Variants in HMGCLL1 observed in about 807,000 individuals in gnomAD.
The protein encoded by HMGCLL1 is 3-hydroxymethyl-3-methylglutaryl-CoA lyase, cytoplasmic.
Under a neutral mutation model 39.1 loss-of-function variants are expected in HMGCLL1, and 36 were observed. That is an observed-to-expected ratio of 0.92 (90% CI 0.71 to 1.22). HMGCLL1 has a LOEUF of 1.22. Among genes scored for constraint, HMGCLL1 ranks in the 50% most tolerant of loss-of-function variants. HMGCLL1 has a pLI of 0.00. For missense variants in HMGCLL1, 451 were observed against 416.5 expected, an observed-to-expected ratio of 1.08 and a Z score of -0.72; for synonymous variants, 149 against 144.0, an observed-to-expected ratio of 1.03 and a Z score of -0.25.
chr6:55,458,134 A>G (rs1202808804), intron 7 of HMGCLL1, among the ~76,000 whole-genome samples: 1 of 152,110 alleles, frequency 6.6e-6, no homozygotes, highest in Non-Finnish European at 1.5e-5. Flanking sequence ...TTACTGTTAA[A>G]CTCTCATGTT....
chr6:55,619,830 G>A, the HMGCLL1 span, among the ~76,000 whole-genome samples: 1 of 151,912 alleles, frequency 6.6e-6, no homozygotes, highest in Non-Finnish European at 1.5e-5. Flanking sequence ...CATTAACCAT[G>A]CCCACACCGC....
intron 7 of HMGCLL1, chr6:55,439,801 A>C (rs2127380361): frequency 2.8e-6 from 1 of 362,006 alleles, no homozygotes; most frequent in East Asian, 4.2e-5. Context: ...ATCTTTGATC[A>C]AAAGTAAAAT....
At chr6:55,530,887 T>C (rs997383385) in intron 3 of HMGCLL1, among the ~76,000 whole-genome samples, 3 of 152,178 alleles carry the variant, frequency 2.0e-5, no homozygotes, top group African/African-American at 7.2e-5. Context: ...CATAACTCTT[T>C]ATGAACATCA....
intron 1 of HMGCLL1, among the ~76,000 whole-genome samples, chr6:55,577,811 T>C (rs1771833420): frequency 6.6e-6 from 1 of 152,178 alleles, no homozygotes. Flanking sequence ...GAAAATTAAA[T>C]AGACATATTA....
chr6:55,559,433 T>C (rs1770828565), intron 1 of HMGCLL1, among the ~76,000 whole-genome samples: 1 of 152,168 alleles, frequency 6.6e-6, no homozygotes, highest in Non-Finnish European at 1.5e-5. Context: ...AGTGTGACCA[T>C]TGAAGTTATT....
rs536204579 is a variant in HMGCLL1, at chr6:55,434,977, T to A, written c.*685A>T. On this transcript the variant is annotated 3_prime_UTR_variant, in exon 9 of 9. Transcript: ENST00000274901. ...ACACCATGCTGGTTTTTACTATAAC[T>A]GATGACAGGTAAAGTGTGGTAAACT... 5 of 152,572 alleles carry A rather than the reference T, an allele frequency of 3.3e-5. No homozygotes were observed. In the East Asian group the frequency reaches 7.7e-4, roughly 24 times the overall value. 9.5% of individuals were successfully genotyped at this position (152,572 alleles called of 1,614,324 possible). A position where few individuals can be genotyped will look rare whatever the true frequency, so the allele number is the denominator to read the frequency against.
the HMGCLL1 span, among the ~76,000 whole-genome samples, chr6:55,605,341 G>C: frequency 6.6e-6 from 1 of 152,064 alleles, no homozygotes; most frequent in African/African-American, 2.4e-5. Context: ...TTAATTCCAA[G>C]AATATTTCCT....
At chr6:55,672,421 T>G in the HMGCLL1 span, among the ~76,000 whole-genome samples, 1 of 151,842 alleles carries the variant, frequency 6.6e-6, no homozygotes, top group Non-Finnish European at 1.5e-5. Context: ...TTTTATGACA[T>G]CAAATCCTTC....
At chr6:55,555,215 G>A (rs956947886) in intron 1 of HMGCLL1, among the ~76,000 whole-genome samples, 1 of 152,068 alleles carries the variant, frequency 6.6e-6, no homozygotes, top group Non-Finnish European at 1.5e-5. Context: ...GCCATTTCTT[G>A]AACACCTGAG....
intron 1 of HMGCLL1, among the ~76,000 whole-genome samples, chr6:55,577,451 C>T (rs1472201010): frequency 2.6e-5 from 4 of 151,998 alleles, no homozygotes; most frequent in Non-Finnish European, 4.4e-5. Flanking sequence ...GCTATTATAT[C>T]TTCAGAATGG....
At chr6:55,541,935 T>G in intron 2 of HMGCLL1, 99 bp from the exon 3 acceptor site, 1 of 942,788 alleles carries the variant, frequency 1.1e-6, no homozygotes, top group Non-Finnish European at 1.6e-6. Flanking sequence ...TTATTTGTAA[T>G]TTACAAATTC....
intron 7 of HMGCLL1, among the ~76,000 whole-genome samples, chr6:55,477,182 T>A (rs1467367877): frequency 8.6e-5 from 2 of 23,288 alleles, no homozygotes; most frequent in African/African-American, 6.2e-4. Context: ...ATATATTATA[T>A]TTATATATTA....
intron 7 of HMGCLL1, among the ~76,000 whole-genome samples, chr6:55,485,711 C>A (rs919808176): frequency 6.6e-6 from 1 of 151,646 alleles, no homozygotes; most frequent in Non-Finnish European, 1.5e-5. Flanking sequence ...TTCAGCCCCA[C>A]GAAACAAATG....
the HMGCLL1 span, among the ~76,000 whole-genome samples, chr6:55,653,915 A>G: frequency 6.6e-6 from 1 of 152,034 alleles, no homozygotes; most frequent in Admixed American, 6.6e-5. Flanking sequence ...CAGTTTGAAG[A>G]AAGTCTTGAG....
the HMGCLL1 span, among the ~76,000 whole-genome samples, chr6:55,627,900 G>GTATATATAATA: frequency 0.029 from 325 of 11,282 alleles, 50 homozygotes; most frequent in African/African-American, 0.086. Flanking sequence ...TATATATATA[G>GTATATATAATA]TATATATACT....
At chr6:55,512,456 C>T (rs773393553) in intron 5 of HMGCLL1, 4 of 151,928 alleles carry the variant, frequency 2.6e-5, no homozygotes, top group African/African-American at 9.7e-5. Context: ...AAATAAATAT[C>T]CTTTATTTTA....
intron 3 of HMGCLL1, among the ~76,000 whole-genome samples, chr6:55,519,290 G>T (rs778402109): frequency 6.6e-6 from 1 of 151,322 alleles, no homozygotes; most frequent in African/African-American, 2.4e-5. Flanking sequence ...AATCCATCTT[G>T]TGACAAGTTC....
chr6:55,587,841 C>A, the HMGCLL1 span, among the ~76,000 whole-genome samples: 1 of 152,232 alleles, frequency 6.6e-6, no homozygotes, highest in African/African-American at 2.4e-5. Context: ...ATCAATTCAA[C>A]AAGAAGAGCT....
intron 1 of HMGCLL1, among the ~76,000 whole-genome samples, chr6:55,558,463 C>T (rs948364946): frequency 1.3e-5 from 2 of 152,092 alleles, no homozygotes; most frequent in Admixed American, 1.3e-4. Context: ...ACTTGATTGT[C>T]CCACTTAAAT....
Sources: allele counts gnomAD v4.1 joint callset (sites outside exome capture counted in the v4.1 genomes callset), GRCh38; gene constraint gnomAD v4.1.1; transcripts MANE v1.5; gene names NCBI Gene and HGNC (gene_info 2026-07-23, HGNC 2026-07-21).